ZFYVE1: variants seen among roughly 807,000 people sequenced by gnomAD.
The protein encoded by ZFYVE1 is zinc finger FYVE domain-containing protein 1.
In ZFYVE1, 30 loss-of-function variants were observed where a neutral mutation model predicts 74.4. That is an observed-to-expected ratio of 0.40 (90% CI 0.30 to 0.55). The LOEUF (loss-of-function observed/expected upper bound fraction) is 0.55, where lower values mean the gene tolerates loss of function less well. Among genes scored for constraint, ZFYVE1 ranks in the 20% least tolerant of loss-of-function variants. The probability of loss-of-function intolerance (pLI) is 0.42; values close to 1 mark genes in which losing one functional copy is unlikely to be tolerated. For synonymous variants in ZFYVE1, 335 were observed against 385.1 expected (o/e 0.87, Z 1.52); for missense variants, 703 against 1,011.6 (o/e 0.69, Z 4.14).
intron 5 of ZFYVE1, chr14:72,979,232 G>C (rs1893260541): frequency 2.6e-6 from 1 of 387,656 alleles, no homozygotes; most frequent in African/African-American, 2.1e-5. Flanking sequence ...GGGCACGGTG[G>C]CTCACGTCTG....
At chr14:73,005,177 T>C (rs1350161463) in intron 2 of ZFYVE1, among the ~76,000 whole-genome samples, 1 of 151,652 alleles carries the variant, frequency 6.6e-6, no homozygotes, top group Non-Finnish European at 1.5e-5. Flanking sequence ...TATTTTTCCC[T>C]AAGCCAGAAA....
chr14:73,023,784 C>T (rs566952660), intron 2 of ZFYVE1, among the ~76,000 whole-genome samples: 2 of 152,088 alleles, frequency 1.3e-5, no homozygotes, highest in South Asian at 4.1e-4. Context: ...CCTCACAACT[C>T]GATGAAGTAG....
intron 3 of ZFYVE1, among the ~76,000 whole-genome samples, chr14:72,995,079 T>C (rs184471414): frequency 6.2e-4 from 95 of 152,290 alleles, no homozygotes; most frequent in Admixed American, 1.5e-3. Flanking sequence ...TATTTATTTA[T>C]TTACTTACTT....
intron 10 of ZFYVE1, 24 bp downstream of exon 10, chr14:72,974,755 T>C: frequency 6.3e-7 from 1 of 1,581,466 alleles, no homozygotes. Context: ...CCTCCACCCC[T>C]GCAGCTCCCA....
chr14:73,007,850 GGTAT>G (rs1189501179), intron 2 of ZFYVE1, among the ~76,000 whole-genome samples: 3 of 152,044 alleles, frequency 2.0e-5, no homozygotes, highest in African/African-American at 7.3e-5. Context: ...TATCCTAAAG[GGTAT>G]GTATACCTCA....
chr14:72,986,300 G>A (rs986352898), intron 4 of ZFYVE1, among the ~76,000 whole-genome samples: 1 of 152,072 alleles, frequency 6.6e-6, no homozygotes, highest in Non-Finnish European at 1.5e-5. Context: ...TATGACATAA[G>A]AAAGAGACTC....
rs371392680 is a variant in ZFYVE1 at position 72,993,126 on chromosome 14, G to A, written c.1203+17C>T. ...TGGCACCCCAATGAGAAGCCCTTGG[G>A]GCACAAGCCAACTGACCTTCAGGGC... On this transcript the variant is annotated intron_variant, in intron 4 of 11. Coordinates refer to ENST00000556143, the MANE Select transcript of ZFYVE1 (RefSeq NM_021260.4). 16 of 1,578,436 alleles carry A rather than the reference G, an allele frequency of 1.0e-5. No individual in the cohort carries two copies. Among genetic ancestry groups the A allele is most frequent in the Non-Finnish European group, 1.4e-5 (16 of 1,159,516 alleles).
At chr14:73,012,049 CTA>C (rs1894102534) in intron 2 of ZFYVE1, among the ~76,000 whole-genome samples, 1 of 151,398 alleles carries the variant, frequency 6.6e-6, no homozygotes, top group African/African-American at 2.4e-5. Context: ...GACCCCATCT[CTA>C]TTAAAAATTA....
intron 2 of ZFYVE1, among the ~76,000 whole-genome samples, chr14:73,017,114 CCT>C: frequency 6.6e-6 from 1 of 152,086 alleles, no homozygotes; most frequent in Non-Finnish European, 1.5e-5. Context: ...ATAGTAAGGC[CCT>C]GTCTCAAAAG....
intron 2 of ZFYVE1, among the ~76,000 whole-genome samples, chr14:73,023,051 C>T (rs1029618811): frequency 2.6e-5 from 4 of 150,946 alleles, no homozygotes; most frequent in Non-Finnish European, 5.9e-5. Context: ...ATCCCAGCTA[C>T]TTGGGAGGCT....
intron 5 of ZFYVE1, among the ~76,000 whole-genome samples, chr14:72,981,322 TA>T (rs1483470720): frequency 6.6e-5 from 10 of 152,304 alleles, no homozygotes; most frequent in African/African-American, 2.2e-4. Context: ...TAATGTGCTC[TA>T]AACATTTCCC....
At chr14:72,984,605 G>T (rs769858113) in intron 4 of ZFYVE1, among the ~76,000 whole-genome samples, 28 of 152,066 alleles carry the variant, frequency 1.8e-4, no homozygotes, top group Non-Finnish European at 2.8e-4. Context: ...GAGAATAAAT[G>T]AGAAGCAGGG....
At chr14:73,009,724 C>G (rs976366184) in intron 2 of ZFYVE1, among the ~76,000 whole-genome samples, 4 of 152,200 alleles carry the variant, frequency 2.6e-5, no homozygotes, top group African/African-American at 9.7e-5. Context: ...CCACTGCACT[C>G]CTGCCTGGGC....
In ZFYVE1 at chr14:72,970,827, G is replaced by T; in HGVS notation, c.*55C>A. The T allele has an allele frequency of 6.3e-7, 1 of 1,583,932 alleles. No homozygotes were observed. The highest frequency in any genetic ancestry group is 8.6e-7 in the Non-Finnish European group (1 of 1,158,806). On this transcript the variant is annotated 3_prime_UTR_variant, in exon 12 of 12. Coordinates refer to ENST00000556143, the MANE Select transcript of ZFYVE1 (RefSeq NM_021260.4). ...GGAGGAGGGCCTACCTCGCAAGACTGTTTCTAACCCTGAGAACCTAAGGAA... is the reference window on the plus strand; with the variant it reads ...GGAGGAGGGCCTACCTCGCAAGACTTTTTCTAACCCTGAGAACCTAAGGAA...
At chr14:72,998,868 G>C (rs967159920) in intron 2 of ZFYVE1, among the ~76,000 whole-genome samples, 2 of 151,672 alleles carry the variant, frequency 1.3e-5, no homozygotes. Flanking sequence ...AAAAAGAAAG[G>C]GGGGTGGGGC....
intron 4 of ZFYVE1, among the ~76,000 whole-genome samples, chr14:72,983,868 A>G (rs911959662): frequency 2.0e-5 from 3 of 152,198 alleles, no homozygotes; most frequent in African/African-American, 7.2e-5. Context: ...CCTGGCCATC[A>G]GAGAAATGCA....
At position 73,024,373 on chromosome 14, in the gene ZFYVE1, C is replaced by T. The variant is rs373998897; in HGVS notation, c.136G>A (p.Glu46Lys). The T allele has an allele frequency of 1.1e-4, 175 of 1,614,054 alleles. No individual in the cohort carries two copies. The highest frequency in any genetic ancestry group is 1.5e-4 in the Non-Finnish European group (172 of 1,180,050). ...ECCSLQCLRC[E>K]EELHRQERLR... ...CGCTCCTGCCGATGGAGCTCCTCCT[C>T]GCAGCGGAGACACTGCAGACTGCAG... The change falls in exon 2 of 12, where the codon GAG becomes AAG. Residue 46 changes from glutamate (E) to lysine (K), a missense_variant. Glu to Lys is a moderately conservative substitution (Grantham distance 56). This residue lies in a region of ZFYVE1 where 211 missense variants were observed against 221.7 expected (regional missense o/e 0.95). Coordinates refer to ENST00000556143, the MANE Select transcript of ZFYVE1 (RefSeq NM_021260.4).
chr14:73,018,585 T>C (rs557649145), intron 2 of ZFYVE1, among the ~76,000 whole-genome samples: 1 of 152,204 alleles, frequency 6.6e-6, no homozygotes, highest in Non-Finnish European at 1.5e-5. Flanking sequence ...TTTCCCCACT[T>C]GAATAGTAAG....
At chr14:73,017,504 T>C (rs1430740204) in intron 2 of ZFYVE1, among the ~76,000 whole-genome samples, 2 of 152,234 alleles carry the variant, frequency 1.3e-5, no homozygotes, top group African/African-American at 4.8e-5. Flanking sequence ...ATCTCTCTTT[T>C]TTGTACTAAT....
Sources: gnomAD v4.1 joint callset for allele counts (sites outside exome capture counted in the v4.1 genomes callset) on GRCh38, gnomAD v4.1.1 for gene constraint, gnomAD v4.1.1 regional missense constraint, MANE v1.5 for transcripts, NCBI Gene and HGNC (gene_info 2026-07-23, HGNC 2026-07-21) for gene names.